PARVA: variants seen among roughly 807,000 people sequenced by gnomAD.
The protein encoded by PARVA is alpha-parvin.
In PARVA, 25 loss-of-function variants were observed where a neutral mutation model predicts 52.6. The observed-to-expected ratio is 0.48, with a 90% CI of 0.35 to 0.66. The LOEUF is 0.66. Ranked by LOEUF, PARVA falls within the 30% of genes least tolerant of loss-of-function variation. PARVA has a pLI of 0.01. For missense variants in PARVA, 373 were observed against 450.9 expected, an observed-to-expected ratio of 0.83 and a Z score of 1.56; for synonymous variants, 185 against 179.1, an observed-to-expected ratio of 1.03 and a Z score of -0.26.
At chr11:12,402,941 T>C (rs1939850613) in intron 1 of PARVA, among the ~76,000 whole-genome samples, 1 of 152,218 alleles carries the variant, frequency 6.6e-6, no homozygotes, top group African/African-American at 2.4e-5. Context: ...TGGTAACTTT[T>C]CTGTAACGTA....
At chr11:12,499,142 G>T (rs1029993136) in intron 5 of PARVA, among the ~76,000 whole-genome samples, 1 of 152,018 alleles carries the variant, frequency 6.6e-6, no homozygotes, top group African/African-American at 2.4e-5. Flanking sequence ...TAAATTTCCA[G>T]AACTGAGATG....
chr11:12,456,448 T>G (rs769964358), intron 1 of PARVA, among the ~76,000 whole-genome samples: 7 of 152,060 alleles, frequency 4.6e-5, no homozygotes, highest in Non-Finnish European at 7.4e-5. Flanking sequence ...TGAAGACTTC[T>G]GCTTGAATGG....
At chr11:12,383,944 C>G (rs1427015251) in intron 1 of PARVA, among the ~76,000 whole-genome samples, 1 of 152,152 alleles carries the variant, frequency 6.6e-6, no homozygotes, top group Admixed American at 6.5e-5. Context: ...AAACCCTTCC[C>G]TGGATTTTCA....
At chr11:12,525,967 A>G (rs546741613) in intron 12 of PARVA, among the ~76,000 whole-genome samples, 1 of 152,212 alleles carries the variant, frequency 6.6e-6, no homozygotes, top group African/African-American at 2.4e-5. Context: ...CTAGGCCTGG[A>G]GCTTGGGGCC....
chr11:12,465,417 A>G (rs538475599), intron 1 of PARVA, among the ~76,000 whole-genome samples: 6 of 152,234 alleles, frequency 3.9e-5, no homozygotes, highest in African/African-American at 7.2e-5. Context: ...AGTTTCAGAC[A>G]TTCTGTTATA....
chr11:12,452,042 C>T (rs1940629839), intron 1 of PARVA, among the ~76,000 whole-genome samples: 1 of 151,920 alleles, frequency 6.6e-6, no homozygotes, highest in South Asian at 2.1e-4. Flanking sequence ...CAGATAGTCT[C>T]CTGCCACCAC....
intron 1 of PARVA, among the ~76,000 whole-genome samples, chr11:12,470,085 C>T (rs779524882): frequency 4.6e-5 from 7 of 152,196 alleles, no homozygotes; most frequent in East Asian, 1.9e-4. Flanking sequence ...TGCGTGCATG[C>T]GTACGCACAT....
At chr11:12,525,775 G>GCTCCAGGCCA (rs934745160) in intron 12 of PARVA, among the ~76,000 whole-genome samples, 1 of 152,172 alleles carries the variant, frequency 6.6e-6, no homozygotes, top group Non-Finnish European at 1.5e-5. Context: ...GAATCTGGGA[G>GCTCCAGGCCA]CTCCAGGCCA....
chr11:12,534,250 G>A lies in PARVA; in HGVS notation c.*6325G>A, dbSNP rs757641989. On this transcript the variant is annotated 3_prime_UTR_variant, in exon 13 of 13. Transcript: ENST00000334956. ...AATCATTGTTGTTCAAGGGTCAATT[G>A]TATATTATTTTCACTGGAAGTTTTG... Among the ~76,000 whole-genome samples the A allele has an allele frequency of 1.3e-5, 2 of 152,180 alleles. No individual in the cohort carries two copies. The highest frequency in any genetic ancestry group is 4.8e-5 in the African/African-American group (2 of 41,440).
chr11:12,507,400 T>C (rs946676912), intron 6 of PARVA, among the ~76,000 whole-genome samples: 5 of 152,184 alleles, frequency 3.3e-5, no homozygotes, highest in African/African-American at 1.2e-4. Flanking sequence ...TCAGAAAGTC[T>C]TCCTGCACCC....
intron 6 of PARVA, among the ~76,000 whole-genome samples, chr11:12,505,409 G>A (rs1314043752): frequency 1.3e-5 from 2 of 152,318 alleles, no homozygotes; most frequent in South Asian, 2.1e-4. Flanking sequence ...AGGATCAGCT[G>A]TCAACAGGAG....
intron 1 of PARVA, among the ~76,000 whole-genome samples, chr11:12,469,049 G>A (rs1007617040): frequency 6.6e-6 from 1 of 152,126 alleles, no homozygotes; most frequent in Admixed American, 6.5e-5. Flanking sequence ...AACAAAATGA[G>A]GGTTCTTTCA....
chr11:12,386,730 T>A (rs1402145032), intron 1 of PARVA, among the ~76,000 whole-genome samples: 1 of 152,232 alleles, frequency 6.6e-6, no homozygotes, highest in East Asian at 1.9e-4. Context: ...ATTTCTAACA[T>A]TAAAAGATTA....
At position 12,504,432 on chromosome 11, in the gene PARVA, A is replaced by G. The variant is rs1941405756; in HGVS notation, c.657+3A>G. ...CCATCCAAGTGGTTGTGGTCCAGGT[A>G]AGACAGGTAACACTACAAACATCTG... is the stretch of plus-strand genomic sequence containing the variant. On this transcript the variant is annotated splice_donor_region_variant and intron_variant, in intron 6 of 12. Coordinates refer to ENST00000334956, the MANE Select transcript of PARVA (RefSeq NM_018222.5). 2 of 1,577,466 alleles carry G rather than the reference A, an allele frequency of 1.3e-6. No homozygotes were observed. The highest frequency in any genetic ancestry group is 8.7e-7 in the Non-Finnish European group (1 of 1,146,934).
At chr11:12,482,791 C>T (rs576358032) in intron 4 of PARVA, among the ~76,000 whole-genome samples, 9 of 152,310 alleles carry the variant, frequency 5.9e-5, no homozygotes, top group Non-Finnish European at 8.8e-5. Context: ...CATCAGATAT[C>T]GTGAGACTTA....
intron 3 of PARVA, chr11:12,477,092 TACTTA>T (rs1941024726): frequency 6.6e-6 from 1 of 152,144 alleles, no homozygotes; most frequent in Non-Finnish European, 1.5e-5. Context: ...TATCACTGTA[TACTTA>T]ACTTTTTTTT....
rs958669506 is a variant in PARVA at position 12,532,118 on chromosome 11, C to T, written c.*4193C>T. On this transcript the variant is annotated 3_prime_UTR_variant, in exon 13 of 13. Coordinates refer to ENST00000334956, the MANE Select transcript of PARVA (RefSeq NM_018222.5). ...ACGTGTGCATGCGTGTTCACGTGTT[C>T]ATGACAACAGCAATGCAGCCATGAG... 2.6e-5 allele frequency among the ~76,000 whole-genome samples: 4 copies of T among 152,162 alleles called. No individual in the cohort carries two copies. Among genetic ancestry groups the T allele is most frequent in the African/African-American group, 7.2e-5 (3 of 41,434 alleles).
At chr11:12,452,955 G>A (rs946542545) in intron 1 of PARVA, 10 of 454,892 alleles carry the variant, frequency 2.2e-5, no homozygotes, top group African/African-American at 4.0e-5. Flanking sequence ...CACAGGGAGG[G>A]GGTCAGCTCT....
At chr11:12,515,244 C>T (rs935072190) in intron 10 of PARVA, among the ~76,000 whole-genome samples, 5 of 152,158 alleles carry the variant, frequency 3.3e-5, no homozygotes, top group African/African-American at 7.2e-5. Context: ...TGTTTCCCCA[C>T]CTCCTTTCAT....
Sources: allele counts gnomAD v4.1 joint callset (sites outside exome capture counted in the v4.1 genomes callset), GRCh38; gene constraint gnomAD v4.1.1; transcripts MANE v1.5; gene names NCBI Gene and HGNC (gene_info 2026-07-23, HGNC 2026-07-21).